Variants in TTC1 observed in about 807,000 individuals in gnomAD.
The protein encoded by TTC1 is tetratricopeptide repeat domain 1.
In TTC1, 31 loss-of-function variants were observed where a neutral mutation model predicts 37.6. That is an observed-to-expected ratio of 0.82 (90% CI 0.62 to 1.11). The LOEUF (loss-of-function observed/expected upper bound fraction) is 1.11, where lower values mean the gene tolerates loss of function less well. Ranked by LOEUF, TTC1 falls within the 50% of genes most tolerant of loss-of-function variation. The pLI, the probability that TTC1 is intolerant of heterozygous loss-of-function variation, is 0.00. For synonymous variants in TTC1, 127 were observed against 122.4 expected, an observed-to-expected ratio of 1.04 and a Z score of -0.25; for missense variants, 351 against 339.0, an observed-to-expected ratio of 1.04 and a Z score of -0.28.
intron 2 of TTC1, among the ~76,000 whole-genome samples, chr5:160,023,429 C>G (rs1351311137): frequency 1.3e-5 from 2 of 151,806 alleles, no homozygotes; most frequent in African/African-American, 2.4e-5. Flanking sequence ...ATAGCTGGGA[C>G]TACAGGCATA....
chr5:160,037,060 G>A lies in TTC1; in HGVS notation c.504+257G>A, dbSNP rs148029970. 2.8e-4 allele frequency among the ~76,000 whole-genome samples: 43 copies of A among 152,230 alleles called. 1 individual carries two copies. The East Asian group carries it at 7.1e-3, about 25-fold the overall frequency. ...GCTGGCAAATTTTTTGCTAAACTAG[G>A]TCAGGTTAATGAAGCAATGAGCCAA... On this transcript the variant is annotated intron_variant, in intron 4 of 7. Transcript: ENST00000231238.
At chr5:160,056,486 T>G (rs1207243396) in intron 7 of TTC1, among the ~76,000 whole-genome samples, 2 of 152,174 alleles carry the variant, frequency 1.3e-5, no homozygotes, top group Non-Finnish European at 2.9e-5. Flanking sequence ...GAAGATCACT[T>G]GAGCCTGGGA....
chr5:160,049,608 T>C lies in TTC1; in HGVS notation c.636T>C (p.Tyr212=). 1 of 1,610,068 alleles carries C rather than the reference T, an allele frequency of 6.2e-7. No individual in the cohort carries two copies. Among genetic ancestry groups the C allele is most frequent in the Non-Finnish European group, 8.5e-7 (1 of 1,178,644 alleles). Residue 212 remains tyrosine (Y), a synonymous_variant, in exon 6 of 8, where the codon TAT becomes TAC. Coordinates refer to ENST00000231238, the MANE Select transcript of TTC1 (RefSeq NM_003314.3). ...TDKLDEALED[Y]KSILEKDPSI... Reference sequence around the variant, plus strand: ...AGCTAGATGAAGCCCTGGAAGACTATAAATCTATATTAGAAAAAGATCCAT... The same window carrying C: ...AGCTAGATGAAGCCCTGGAAGACTACAAATCTATATTAGAAAAAGATCCAT...
intron 4 of TTC1, among the ~76,000 whole-genome samples, chr5:160,039,813 G>A (rs1368709486): frequency 6.6e-6 from 1 of 152,158 alleles, no homozygotes; most frequent in African/African-American, 2.4e-5. Flanking sequence ...GGACTTCTTA[G>A]AGTTTTTGAT....
At chr5:160,045,977 G>A (rs1480066541) in intron 5 of TTC1, among the ~76,000 whole-genome samples, 3 of 152,020 alleles carry the variant, frequency 2.0e-5, no homozygotes, top group African/African-American at 7.2e-5. Context: ...TCCTGACCTC[G>A]TGATCTGCCT....
chr5:160,009,369 AT>A (rs1756452507), intron 1 of TTC1, among the ~76,000 whole-genome samples, 176 bp downstream of exon 1: 1 of 152,200 alleles, frequency 6.6e-6, no homozygotes, highest in East Asian at 1.9e-4. Flanking sequence ...AAGTCTCCGT[AT>A]TAAGATCTTG....
Position 160,035,180 on chromosome 5 carries a change from A to G in TTC1, c.371A>G (p.Asn124Ser), listed in dbSNP as rs770739242. Reference sequence around the variant, plus strand: ...AGCACTAGACTAAAGGAGGAGGGAAATGAACAGTTTAAGAAAGGAGGTAAG... The same window carrying G: ...AGCACTAGACTAAAGGAGGAGGGAAGTGAACAGTTTAAGAAAGGAGGTAAG... The part of the protein sequence containing the change: ...EESTRLKEEG[N>S]EQFKKGDYIE... The change falls in exon 3 of 8, where the codon AAT (asparagine) becomes AGT (serine). Residue 124 changes from asparagine (N) to serine (S), a missense_variant. Transcript: ENST00000231238. 1 of 1,607,378 alleles carries G rather than the reference A, an allele frequency of 6.2e-7. No individual in the cohort carries two copies. The highest frequency in any genetic ancestry group is 1.7e-5 in the Admixed American group (1 of 58,652).
At chr5:160,023,763 T>C in intron 2 of TTC1, 2 of 1,613,012 alleles carry the variant, frequency 1.2e-6, no homozygotes, top group Non-Finnish European at 1.7e-6. Context: ...TTCTTCTTCT[T>C]TGCTGCCTTG....
chr5:160,039,740 C>T (rs1182014343), intron 4 of TTC1, among the ~76,000 whole-genome samples: 6 of 152,020 alleles, frequency 3.9e-5, no homozygotes, highest in African/African-American at 1.5e-4. Flanking sequence ...GTGTCTTTGA[C>T]TTATAGAAAT....
chr5:160,017,492 C>A (rs981973560), intron 2 of TTC1, among the ~76,000 whole-genome samples: 1 of 152,158 alleles, frequency 6.6e-6, no homozygotes, highest in African/African-American at 2.4e-5. Context: ...CAAAAGGACG[C>A]ACCTCTTAAT....
intron 2 of TTC1, among the ~76,000 whole-genome samples, chr5:160,016,977 A>T (rs116451151): frequency 0.012 from 1,762 of 152,334 alleles, 23 homozygotes; most frequent in African/African-American, 0.024. Flanking sequence ...TTTGGTAAAA[A>T]CAGGAAAAGC....
At chr5:160,061,245 G>A (rs1753383635) in intron 7 of TTC1, among the ~76,000 whole-genome samples, 1 of 152,214 alleles carries the variant, frequency 6.6e-6, no homozygotes, top group Admixed American at 6.5e-5. Context: ...ATGGCCTTTG[G>A]TGCCTGGTTC....
intron 2 of TTC1, chr5:160,023,635 C>T (rs1756751530): frequency 2.1e-6 from 2 of 938,176 alleles, no homozygotes; most frequent in Admixed American, 2.5e-5. Flanking sequence ...TCCAGATGGA[C>T]ACAGGTGACT....
intron 5 of TTC1, among the ~76,000 whole-genome samples, chr5:160,044,794 C>T (rs985253093): frequency 6.6e-6 from 1 of 152,184 alleles, no homozygotes; most frequent in African/African-American, 2.4e-5. Context: ...GGGAATGCAG[C>T]CCAGTAGGTC....
intron 7 of TTC1, among the ~76,000 whole-genome samples, chr5:160,064,508 GAGAGA>G (rs1368247065): frequency 6.6e-6 from 1 of 152,222 alleles, no homozygotes; most frequent in African/African-American, 2.4e-5. Context: ...TGCCGTTCTA[GAGAGA>G]AGAGACTTGG....
intron 5 of TTC1, among the ~76,000 whole-genome samples, chr5:160,047,816 C>T (rs906586428): frequency 1.3e-5 from 2 of 152,220 alleles, no homozygotes; most frequent in African/African-American, 4.8e-5. Context: ...CATAGTCCCT[C>T]TTCATATTCT....
At chr5:160,041,786 A>G (rs144205670) in intron 4 of TTC1, among the ~76,000 whole-genome samples, 1 of 152,314 alleles carries the variant, frequency 6.6e-6, no homozygotes, top group African/African-American at 2.4e-5. Context: ...TACACAGTCT[A>G]TCATTGATTG....
intron 2 of TTC1, among the ~76,000 whole-genome samples, chr5:160,026,840 C>T (rs184063162): frequency 6.6e-6 from 1 of 152,178 alleles, no homozygotes; most frequent in East Asian, 1.9e-4. Context: ...TTTTACAAGT[C>T]TCATGTGTTC....
At chr5:160,029,436 G>GT (rs992556806) in intron 2 of TTC1, among the ~76,000 whole-genome samples, 14 of 142,128 alleles carry the variant, frequency 9.9e-5, no homozygotes, top group African/African-American at 3.4e-4. Flanking sequence ...GAGCCCAGGA[G>GT]TTTAAGACCA....
Sources: gnomAD v4.1 joint callset for allele counts (sites outside exome capture counted in the v4.1 genomes callset) on GRCh38, gnomAD v4.1.1 for gene constraint, MANE v1.5 for transcripts, NCBI Gene and HGNC (gene_info 2026-07-23, HGNC 2026-07-21) for gene names.